ZC3H3: variants seen among roughly 807,000 people sequenced by gnomAD.
ZC3H3 encodes zinc finger CCCH-type containing 3, also known as zinc finger CCCH domain-containing protein 3.
In ZC3H3, 36 loss-of-function variants were observed where a neutral mutation model predicts 77.3. The ratio of observed to expected loss-of-function variants is 0.47; its 90% CI spans 0.36 to 0.61. ZC3H3 has a LOEUF of 0.61. Ranked by LOEUF, ZC3H3 falls within the 20% of genes least tolerant of loss-of-function variation. ZC3H3 has a pLI of 0.00. For synonymous variants in ZC3H3, 626 were observed against 555.2 expected (o/e 1.13, Z -1.79); for missense variants, 1,331 against 1,312.2 (o/e 1.01, Z -0.22).
rs73715611 is a variant in ZC3H3, at chr8:143,477,759, C to T, written c.1716-2174G>A. Among the ~76,000 whole-genome samples the T allele has an allele frequency of 3.4e-4, 52 of 152,340 alleles. 1 individual carries two copies. The highest frequency in any genetic ancestry group is 3.3e-3 in the Admixed American group (50 of 15,312). On this transcript the variant is annotated intron_variant, in intron 4 of 11. Transcript: ENST00000262577. ...CAGTCAGGCTGAGCCCAGGGCCCTG[C>T]ACCAGCCCCACAGTACTCACAGGCC...
rs754727062 is a variant in ZC3H3 at position 143,468,499 on chromosome 8, C to T, written c.1988G>A (p.Arg663Gln). The change falls in exon 7 of 12, where the codon CGG becomes CAG. Residue 663 changes from arginine to glutamine, a missense_variant. Physicochemically the swap from Arg to Gln is conservative, Grantham distance 43 (BLOSUM62 1). Transcript: ENST00000262577. ...QRSLAIIRQA[R>Q]QRREKRKEYC... ...CTCCTTCCTCTTCTCCCTGCGCTGC[C>T]GCGCCTGCCGGATGATGGCCAGGCT... The T allele has an allele frequency of 6.2e-5, 100 of 1,608,388 alleles. 1 individual carries two copies. In the Admixed American group the frequency reaches 1.2e-3, roughly 19 times the overall value.
At chr8:143,480,486 G>A (rs887480726) in intron 4 of ZC3H3, among the ~76,000 whole-genome samples, 4 of 152,222 alleles carry the variant, frequency 2.6e-5, no homozygotes, top group African/African-American at 4.8e-5. Context: ...CCCAGGCCAC[G>A]TCATTGATCC....
chr8:143,441,037 G>A lies in ZC3H3; in HGVS notation c.2391C>T (p.His797=), dbSNP rs762925924. The change falls in exon 10 of 12, where the codon CAC becomes CAT. Residue 797 remains histidine, a synonymous_variant. Coordinates refer to ENST00000262577, the MANE Select transcript of ZC3H3 (RefSeq NM_015117.3). ...GCCGACTGTGGCGTTTCTGGGTACG[G>A]TGGAGCAGCTGGCACTGGGCGCCGC... ...CPRGAQCQLL[H]RTQKRHSRRA... 5.2e-5 allele frequency: 78 copies of A among 1,489,012 alleles called. No homozygotes were observed. Among genetic ancestry groups the A allele is most frequent in the Non-Finnish European group, 6.4e-5 (72 of 1,129,584 alleles). 92.2% of individuals were successfully genotyped at this position (1,489,012 alleles called of 1,614,324 possible).
In ZC3H3 at chr8:143,493,376, A is replaced by T. The variant is rs1821259777; in HGVS notation, c.1715+14370T>A. 6.6e-6 allele frequency among the ~76,000 whole-genome samples: 1 copy of T among 152,210 alleles called. No homozygotes were observed. Among genetic ancestry groups the T allele is most frequent in the Admixed American group, 6.5e-5 (1 of 15,284 alleles). On this transcript the variant is annotated intron_variant, in intron 4 of 11. Transcript: ENST00000262577. This position sits in a 1 kb window ranked among gnomAD's most constrained non-coding sequence, Gnocchi z 4.8. ...CAGGGACATCCCAGCCTCGGTGTGG[A>T]TGCGGGCTAGCTCAGGCCCTGGCAA... is the stretch of plus-strand genomic sequence containing the variant.
rs1233434947 is a variant in ZC3H3, at chr8:143,438,215, G to GAGAT, written c.2816-132_2816-129dup. On this transcript the variant is annotated intron_variant, in intron 11 of 11. Transcript: ENST00000262577. ...CCAAGCACACACAGCAAGGTCTGCA[G>GAGAT]AGATACCCTCCTGAGTTCGAGGGAG... 4 of 1,214,248 alleles carry GAGAT rather than the reference G, an allele frequency of 3.3e-6. No homozygotes were observed. The African/African-American group carries it at 6.0e-5, about 18-fold the overall frequency. The allele number at this position is 1,214,248 out of a possible 1,614,324, so 75.2% of individuals were successfully genotyped here.
intron 4 of ZC3H3, among the ~76,000 whole-genome samples, chr8:143,500,136 C>G (rs952815985): frequency 6.6e-6 from 1 of 152,258 alleles, no homozygotes; most frequent in Non-Finnish European, 1.5e-5. Context: ...CTGAGCCCCA[C>G]ACAGATCCAT....
At chr8:143,503,695 C>T (rs1453190192) in intron 4 of ZC3H3, among the ~76,000 whole-genome samples, 1 of 149,574 alleles carries the variant, frequency 6.7e-6, no homozygotes, top group Non-Finnish European at 1.5e-5. Context: ...ACCACCACCT[C>T]CCCCAGCACC....
intron 4 of ZC3H3, among the ~76,000 whole-genome samples, chr8:143,489,852 G>A (rs1420224926): frequency 6.6e-6 from 1 of 152,166 alleles, no homozygotes; most frequent in Non-Finnish European, 1.5e-5. Flanking sequence ...AAATTAAACC[G>A]CGCCTGACTC....
rs200115197 is a variant in ZC3H3, at chr8:143,539,086, G to A, written c.281C>T (p.Pro94Leu). The A allele has an allele frequency of 7.4e-5, 119 of 1,612,838 alleles. No homozygotes were observed. The highest frequency in any genetic ancestry group is 9.1e-5 in the Non-Finnish European group (107 of 1,180,016). ...SDPPADHAVR[P>L]LHGARGGQPP... ...CTGGCCCCCCCGGGCCCCGTGCAACGGCCGCACAGCATGGTCGGCAGGAGG... is the reference window on the plus strand; with the variant it reads ...CTGGCCCCCCCGGGCCCCGTGCAACAGCCGCACAGCATGGTCGGCAGGAGG... Residue 94 changes from proline to leucine, a missense_variant, in exon 2 of 12, where the codon CCG becomes CTG. Pro to Leu is a moderately conservative substitution (Grantham distance 98). Around this residue, in one of 3 missense-constraint regions of ZC3H3, gnomAD observed 978 missense variants for 915.5 expected, o/e 1.07. Transcript: ENST00000262577.
At position 143,438,238 on chromosome 8, in the gene ZC3H3, G is replaced by A; in HGVS notation, c.2816-151C>T. 4 of 1,032,668 alleles carry A rather than the reference G, an allele frequency of 3.9e-6. No individual in the cohort carries two copies. In the East Asian group the frequency reaches 1.1e-4, roughly 27 times the overall value. The allele number at this position is 1,032,668 out of a possible 1,614,324, so 64.0% of individuals were successfully genotyped here. ...CAGAGATACCCTCCTGAGTTCGAGG[G>A]AGAAGAGCACAGACAGGCCACAGGC... On this transcript the variant is annotated intron_variant, in intron 11 of 11. Coordinates refer to ENST00000262577, the MANE Select transcript of ZC3H3 (RefSeq NM_015117.3).
chr8:143,470,350 C>T (rs150313979), intron 5 of ZC3H3, among the ~76,000 whole-genome samples: 2,165 of 152,302 alleles, frequency 0.014, 16 homozygotes, highest in Middle Eastern at 0.024. Context: ...CGTTGAAGAA[C>T]GCAGAAACCT....
intron 1 of ZC3H3, 138 bp from the exon 2 acceptor site, chr8:143,539,458 G>A: frequency 6.5e-6 from 6 of 918,250 alleles, no homozygotes; most frequent in Non-Finnish European, 9.5e-6. Context: ...AGGAGGGGCA[G>A]CCCCCAGAGC....
rs751566628 is a variant in ZC3H3 at position 143,538,215 on chromosome 8, G to A, written c.1152C>T (p.Pro384=). ...GGAAGGAGGAAGAGGAGGAGGCAGA[G>A]GGGCTGGAGGCCTTCCACTTGTACT... is the stretch of plus-strand genomic sequence containing the variant. ...PSKYKWKASS[P]SASSSSSFRW... Residue 384 remains proline, a synonymous_variant, in exon 2 of 12, where the codon CCC becomes CCT. Transcript: ENST00000262577. The A allele has an allele frequency of 5.0e-6, 8 of 1,612,924 alleles. No homozygotes were observed. The Admixed American group carries it at 6.7e-5, about 13-fold the overall frequency.
intron 4 of ZC3H3, among the ~76,000 whole-genome samples, chr8:143,475,988 G>C (rs11986221): frequency 6.6e-6 from 1 of 152,094 alleles, no homozygotes; most frequent in Non-Finnish European, 1.5e-5. Context: ...GTGCTGCAGG[G>C]TAAGGGTCCC....
At chr8:143,449,397 C>T (rs1444575167) in intron 9 of ZC3H3, among the ~76,000 whole-genome samples, 1 of 152,208 alleles carries the variant, frequency 6.6e-6, no homozygotes, top group African/African-American at 2.4e-5. Context: ...AGCAGCCAGG[C>T]TACACCTTGA....
intron 3 of ZC3H3, among the ~76,000 whole-genome samples, chr8:143,532,250 G>A (rs186847463): frequency 2.6e-5 from 4 of 152,376 alleles, no homozygotes; most frequent in Admixed American, 1.3e-4. Context: ...AAGGGTGGAC[G>A]GAGGCGATAG....
rs61314584 is a variant in ZC3H3 at position 143,536,152 on chromosome 8, C to T, written c.1561+105G>A. On this transcript the variant is annotated intron_variant, in intron 3 of 11. Coordinates refer to ENST00000262577, the MANE Select transcript of ZC3H3 (RefSeq NM_015117.3). ...CAGGCAGTGCCCTCCCAGCCAGGGCCTCTACCAGCATGAGGCAGGGAAGGT... is the reference window on the plus strand; with the variant it reads ...CAGGCAGTGCCCTCCCAGCCAGGGCTTCTACCAGCATGAGGCAGGGAAGGT... 5,351 of 1,377,712 alleles carry T rather than the reference C, an allele frequency of 3.9e-3. 151 individuals are homozygous for T. The African/African-American group carries it at 0.067, about 17-fold the overall frequency. 85.3% of individuals were successfully genotyped at this position (1,377,712 alleles called of 1,614,324 possible). A position where few individuals can be genotyped will look rare whatever the true frequency, so the allele number is the denominator to read the frequency against.
chr8:143,469,550 A>C (rs1586894753), intron 5 of ZC3H3, among the ~76,000 whole-genome samples: 1 of 152,012 alleles, frequency 6.6e-6, no homozygotes, highest in Admixed American at 6.5e-5. Context: ...CATAAGCACC[A>C]CCCCCGCCTT....
intron 4 of ZC3H3, among the ~76,000 whole-genome samples, chr8:143,499,419 C>T (rs1279331376): frequency 6.6e-6 from 1 of 152,088 alleles, no homozygotes; most frequent in African/African-American, 2.4e-5. Context: ...GTGCTCTGGC[C>T]CTGGGTCTTG....
Sources: gnomAD v4.1 joint callset for allele counts (sites outside exome capture counted in the v4.1 genomes callset) on GRCh38, gnomAD v4.1.1 for gene constraint, gnomAD v4.1.1 regional missense constraint, Gnocchi (gnomAD v3.1) non-coding constraint, MANE v1.5 for transcripts, NCBI Gene and HGNC (gene_info 2026-07-23, HGNC 2026-07-21) for gene names.